Variants in NEMP2 observed in about 807,000 individuals in gnomAD.
NEMP2 encodes nuclear envelope integral membrane protein 2.
A neutral mutation model predicts 54.2 loss-of-function variants in NEMP2; 53 were observed. The ratio of observed to expected loss-of-function variants is 0.98; its 90% CI spans 0.78 to 1.23. The LOEUF is 1.23. Ranked by LOEUF, NEMP2 falls within the 50% of genes most tolerant of loss-of-function variation. The pLI, the probability that NEMP2 is intolerant of heterozygous loss-of-function variation, is 0.00. For missense variants in NEMP2, 455 were observed against 511.3 expected (o/e 0.89, Z 1.06); for synonymous variants, 197 against 190.3 (o/e 1.04, Z -0.29).
chr2:190,451,248 A>G, the NEMP2 span, among the ~76,000 whole-genome samples: 9 of 152,328 alleles, frequency 5.9e-5, no homozygotes, highest in Admixed American at 5.2e-4. This position sits in a 1 kb window ranked among gnomAD's most constrained non-coding sequence, Gnocchi z 5.0. Context: ...TAGCTTTGTT[A>G]AGCCTCAGGT....
At chr2:190,571,370 C>A in the NEMP2 span, among the ~76,000 whole-genome samples, 151 of 152,164 alleles carry the variant, frequency 9.9e-4, no homozygotes, top group African/African-American at 3.4e-3. Flanking sequence ...TGGTGAAACA[C>A]TGTCTCTACT....
the NEMP2 span, among the ~76,000 whole-genome samples, chr2:190,475,698 T>C: frequency 3.3e-5 from 5 of 152,122 alleles, no homozygotes; most frequent in African/African-American, 9.7e-5. Flanking sequence ...CTTCACAGAA[T>C]TGGAAAAAAC....
At position 190,505,412 on chromosome 2, in the gene NEMP2, A is replaced by G. The variant is rs1237519744; in HGVS notation, c.*3777T>C. ...AAGAGGTATCGAAGGTGCCTCATATAGTGCCTGATGGATCTCTAGTCAATG... is the reference window on the plus strand; with the variant it reads ...AAGAGGTATCGAAGGTGCCTCATATGGTGCCTGATGGATCTCTAGTCAATG... On this transcript the variant is annotated 3_prime_UTR_variant, in exon 9 of 9. Transcript: ENST00000409150. The surrounding 1 kb of genome is among the most constrained non-coding windows in gnomAD (Gnocchi z 5.8). 6.6e-6 allele frequency: 1 copy of G among 152,176 alleles called. No individual in the cohort carries two copies. The highest frequency in any genetic ancestry group is 1.5e-5 in the Non-Finnish European group (1 of 68,028). 9.4% of individuals were successfully genotyped at this position (152,176 alleles called of 1,614,324 possible).
chr2:190,607,860 T>C, the NEMP2 span: 1 of 152,204 alleles, frequency 6.6e-6, no homozygotes, highest in Admixed American at 6.5e-5. This position sits in a 1 kb window ranked among gnomAD's most constrained non-coding sequence, Gnocchi z 5.2. Context: ...CTGTATTTTA[T>C]AGATGTGAAC....
chr2:190,566,753 G>T, the NEMP2 span, among the ~76,000 whole-genome samples: 1 of 144,042 alleles, frequency 6.9e-6, no homozygotes, highest in Non-Finnish European at 1.5e-5. Flanking sequence ...GAAAAAAAAA[G>T]AAAGGAAGGA....
At position 190,519,114 on chromosome 2, in the gene NEMP2, C is replaced by A; in HGVS notation, c.283G>T (p.Glu95Ter). 6.4e-7 allele frequency: 1 copy of A among 1,551,140 alleles called. No homozygotes were observed. The highest frequency in any genetic ancestry group is 1.2e-5 in the South Asian group (1 of 84,060). Residue 95 changes from glutamate (E) to a stop codon, truncating the protein, a stop_gained, in exon 3 of 9, where the codon GAA (glutamate) becomes TAA (stop). Coordinates refer to ENST00000409150, the MANE Select transcript of NEMP2 (RefSeq NM_001142645.2). LOFTEE classifies it high-confidence loss of function. This position sits in a 1 kb window ranked among gnomAD's most constrained non-coding sequence, Gnocchi z 5.4. Reference sequence around the variant, plus strand: ...CATTTGATAAAAGATAGAATGTTTTCTGGATATTGGCAATTATGTCTTTCT... The same window carrying A: ...CATTTGATAAAAGATAGAATGTTTTATGGATATTGGCAATTATGTCTTTCT... ...IAERHNCQYP[E>*]NILSFIKCVI...
At chr2:190,497,682 C>T in the NEMP2 span, 1 of 1,614,146 alleles carries the variant, frequency 6.2e-7, no homozygotes, top group Non-Finnish European at 8.5e-7. The surrounding 1 kb of genome is among the most constrained non-coding windows in gnomAD (Gnocchi z 5.2). Flanking sequence ...ATGCAACTCA[C>T]AAGAGACAAC....
chr2:190,491,569 A>G, the NEMP2 span, among the ~76,000 whole-genome samples: 2 of 152,218 alleles, frequency 1.3e-5, no homozygotes, highest in Non-Finnish European at 2.9e-5. This position sits in a 1 kb window ranked among gnomAD's most constrained non-coding sequence, Gnocchi z 4.2. Flanking sequence ...GACAATCACT[A>G]CAGCCTGGCT....
chr2:190,490,528 A>G, the NEMP2 span, among the ~76,000 whole-genome samples: 1 of 152,062 alleles, frequency 6.6e-6, no homozygotes, highest in African/African-American at 2.4e-5. The surrounding 1 kb of genome is among the most constrained non-coding windows in gnomAD (Gnocchi z 4.5). Flanking sequence ...GCACCACTGC[A>G]GTCCAGCCTG....
chr2:190,468,626 T>A, the NEMP2 span, among the ~76,000 whole-genome samples: 1 of 150,688 alleles, frequency 6.6e-6, no homozygotes, highest in Admixed American at 6.6e-5. Context: ...CTAATTTTTT[T>A]TTTTTTTTTT....
the NEMP2 span, among the ~76,000 whole-genome samples, chr2:190,572,836 TATATATATATATATATATATA>T: frequency 1.7e-4 from 16 of 93,918 alleles, 2 homozygotes; most frequent in Admixed American, 3.1e-4. Flanking sequence ...TTCATGAGTA[TATATATATATATATATATATA>T]TATATATATA....
chr2:190,514,497 G>A lies in NEMP2; in HGVS notation c.909C>T (p.Ser303=). The change falls in exon 7 of 9, where the codon TCC becomes TCT. Residue 303 remains serine (S), a synonymous_variant. Coordinates refer to ENST00000409150, the MANE Select transcript of NEMP2 (RefSeq NM_001142645.2). This position sits in a 1 kb window ranked among gnomAD's most constrained non-coding sequence, Gnocchi z 5.7. ...AYAAIILLMS[S]WSLHYPLRAC... ...CTCTCAGTGGGTAGTGCAGACTCCA[G>A]GAGGACATGAGGAGGATTATGGCTG... 6 of 1,551,634 alleles carry A rather than the reference G, an allele frequency of 3.9e-6. No individual in the cohort carries two copies. The highest frequency in any genetic ancestry group is 4.4e-6 in the Non-Finnish European group (5 of 1,147,012).
chr2:190,611,365 G>A, the NEMP2 span, among the ~76,000 whole-genome samples: 11 of 152,124 alleles, frequency 7.2e-5, no homozygotes, highest in Non-Finnish European at 1.6e-4. This position sits in a 1 kb window ranked among gnomAD's most constrained non-coding sequence, Gnocchi z 5.4. Flanking sequence ...CTTTACGTTA[G>A]TGTGCTATTA....
chr2:190,449,796 T>C, the NEMP2 span, among the ~76,000 whole-genome samples: 1 of 151,406 alleles, frequency 6.6e-6, no homozygotes, highest in Non-Finnish European at 1.5e-5. Flanking sequence ...TTCTCACTCA[T>C]AGGTGGGAAC....
At chr2:190,598,501 C>G in the NEMP2 span, among the ~76,000 whole-genome samples, 4 of 152,162 alleles carry the variant, frequency 2.6e-5, no homozygotes, top group South Asian at 8.3e-4. Context: ...GCTATTGATT[C>G]ATTCATTGTT....
chr2:190,459,374 G>A, the NEMP2 span, among the ~76,000 whole-genome samples: 11 of 152,122 alleles, frequency 7.2e-5, no homozygotes, highest in African/African-American at 2.7e-4. This position sits in a 1 kb window ranked among gnomAD's most constrained non-coding sequence, Gnocchi z 5.3. Flanking sequence ...TAAAATTAAC[G>A]GCTATGCCAA....
the NEMP2 span, among the ~76,000 whole-genome samples, chr2:190,557,123 C>G: frequency 6.6e-6 from 1 of 152,182 alleles, no homozygotes; most frequent in Non-Finnish European, 1.5e-5. Context: ...GGTACCAAAA[C>G]AGATATGTAG....
the NEMP2 span, among the ~76,000 whole-genome samples, chr2:190,427,657 T>C: frequency 0.011 from 1,668 of 152,306 alleles, 34 homozygotes; most frequent in African/African-American, 0.037. Context: ...TCTAGGGTTT[T>C]TAGTTGTACT....
At chr2:190,561,684 A>C in the NEMP2 span, among the ~76,000 whole-genome samples, 1 of 152,176 alleles carries the variant, frequency 6.6e-6, no homozygotes, top group Non-Finnish European at 1.5e-5. The surrounding 1 kb of genome is among the most constrained non-coding windows in gnomAD (Gnocchi z 5.4). Context: ...GGTTGGTGGG[A>C]GAGGTAGGAA....
Sources: gnomAD v4.1 joint callset for allele counts (sites outside exome capture counted in the v4.1 genomes callset) on GRCh38, gnomAD v4.1.1 for gene constraint, Gnocchi (gnomAD v3.1) non-coding constraint, MANE v1.5 for transcripts, NCBI Gene and HGNC (gene_info 2026-07-23, HGNC 2026-07-21) for gene names.